The following BLTP1 variants were observed in gnomAD, a reference collection of about 807,000 sequenced individuals.
BLTP1 encodes bridge-like lipid transfer protein family member 1, also known as fragile site-associated protein.
the BLTP1 span, among the ~76,000 whole-genome samples, chr4:122,323,927 T>C: frequency 1.3e-5 from 2 of 152,002 alleles, no homozygotes; most frequent in African/African-American, 2.4e-5. Flanking sequence ...CTTTTAACTA[T>C]CTAGCACCAT....
the BLTP1 span, chr4:122,184,669 A>T: frequency 6.1e-6 from 6 of 984,492 alleles, no homozygotes; most frequent in Non-Finnish European, 7.2e-6. Flanking sequence ...AAAAACATTC[A>T]TAGCAGTTGC....
the BLTP1 span, chr4:122,200,190 A>G: frequency 3.2e-6 from 3 of 942,944 alleles, no homozygotes; most frequent in Non-Finnish European, 3.8e-6. Context: ...TTAAAGTGGC[A>G]TATTCAGTAT....
At chr4:122,229,276 G>A in the BLTP1 span, 39 of 1,505,306 alleles carry the variant, frequency 2.6e-5, no homozygotes, top group South Asian at 5.1e-5. Flanking sequence ...GTGCTTTTTC[G>A]TTTTTACTAA....
the BLTP1 span, chr4:122,219,661 A>G: frequency 1.2e-6 from 1 of 843,874 alleles, no homozygotes; most frequent in East Asian, 2.6e-5. Context: ...GAAAAAGAAA[A>G]TCAGATTTAG....
the BLTP1 span, chr4:122,291,835 T>C: frequency 1.0e-6 from 1 of 979,816 alleles, no homozygotes; most frequent in Non-Finnish European, 1.2e-6. Context: ...TTGTTTAGTA[T>C]GTTTTGTGAA....
the BLTP1 span, chr4:122,348,772 C>T: frequency 1.6e-6 from 2 of 1,215,754 alleles, no homozygotes; most frequent in African/African-American, 1.5e-5. Context: ...AACTTTTCTT[C>T]TACTGTAGTA....
the BLTP1 span, chr4:122,209,259 A>G: frequency 1.2e-6 from 2 of 1,613,136 alleles, no homozygotes; most frequent in Non-Finnish European, 1.7e-6. Context: ...AAGATGATTC[A>G]TGATACTGGT....
At chr4:122,324,863 A>C in the BLTP1 span, among the ~76,000 whole-genome samples, 1 of 151,364 alleles carries the variant, frequency 6.6e-6, no homozygotes, top group Non-Finnish European at 1.5e-5. Context: ...AGAAATTAAA[A>C]GGTGCATACT....
At chr4:122,234,673 T>G in the BLTP1 span, 1 of 1,248,456 alleles carries the variant, frequency 8.0e-7, no homozygotes, top group East Asian at 2.6e-5. Context: ...TTAAAAATAT[T>G]TACAATTAAC....
At chr4:122,166,780 G>T in the BLTP1 span, among the ~76,000 whole-genome samples, 1 of 152,054 alleles carries the variant, frequency 6.6e-6, no homozygotes, top group East Asian at 1.9e-4. Context: ...TCCTTGAAGA[G>T]GTCCTTCACA....
the BLTP1 span, chr4:122,254,973 A>G: frequency 6.4e-7 from 1 of 1,573,042 alleles, no homozygotes; most frequent in Admixed American, 1.8e-5. Flanking sequence ...TTTAAATAAT[A>G]CAAGGTATTA....
chr4:122,187,944 A>T, the BLTP1 span: 1 of 1,593,326 alleles, frequency 6.3e-7, no homozygotes, highest in Non-Finnish European at 8.5e-7. Flanking sequence ...CTGTGCATCA[A>T]CTTTGATGAT....
chr4:122,281,492 AC>A, the BLTP1 span: 2 of 1,489,200 alleles, frequency 1.3e-6, no homozygotes, highest in South Asian at 2.9e-5. Context: ...ATAAAATGGT[AC>A]GTCCTGTGTT....
At chr4:122,294,197 C>G in the BLTP1 span, among the ~76,000 whole-genome samples, 1 of 152,134 alleles carries the variant, frequency 6.6e-6, no homozygotes, top group African/African-American at 2.4e-5. Context: ...CTGGAGAGTC[C>G]CGGTGGTCTG....
the BLTP1 span, chr4:122,341,962 A>G: frequency 1.1e-5 from 4 of 349,588 alleles, no homozygotes; most frequent in Non-Finnish European, 1.6e-5. Flanking sequence ...TGAATAACAA[A>G]AAGGAAAAAA....
chr4:122,186,997 A>G, the BLTP1 span: 2 of 984,804 alleles, frequency 2.0e-6, no homozygotes, highest in South Asian at 4.7e-5. Context: ...GAAGAGGAGC[A>G]ACTGGATTGT....
At chr4:122,152,817 C>T in the BLTP1 span, 5 of 373,312 alleles carry the variant, frequency 1.3e-5, no homozygotes, top group Non-Finnish European at 1.8e-5. Flanking sequence ...TGGCTGGGGA[C>T]TTTGATACAG....
chr4:122,221,054 C>G, the BLTP1 span: 1 of 978,792 alleles, frequency 1.0e-6, no homozygotes, highest in Non-Finnish European at 1.2e-6. Flanking sequence ...ACTACCACCA[C>G]TTTATATGCC....
chr4:122,341,046 T>C, the BLTP1 span, among the ~76,000 whole-genome samples: 1 of 152,148 alleles, frequency 6.6e-6, no homozygotes, highest in African/African-American at 2.4e-5. Flanking sequence ...CTAAAATTAA[T>C]GGCTATAAGA....
Sources: gnomAD v4.1 joint callset for allele counts (sites outside exome capture counted in the v4.1 genomes callset) on GRCh38, gnomAD v4.1.1 for gene constraint, MANE v1.5 for transcripts, NCBI Gene and HGNC (gene_info 2026-07-23, HGNC 2026-07-21) for gene names.